Variants in FTSJ1 observed in about 807,000 individuals in gnomAD.
FTSJ1 encodes FtsJ RNA 2'-O-methyltransferase 1.
A neutral mutation model predicts 28.5 loss-of-function variants in FTSJ1; 3 were observed. The ratio of observed to expected loss-of-function variants is 0.11; its 90% CI spans 0.05 to 0.27. The LOEUF is 0.27. Among genes scored for constraint, FTSJ1 ranks in the 10% least tolerant of loss-of-function variants. FTSJ1 has a pLI of 1.00. For missense variants in FTSJ1, 162 were observed against 279.0 expected (o/e 0.58, Z 2.99); for synonymous variants, 104 against 113.9 (o/e 0.91, Z 0.55).
rs782483840 is a variant in FTSJ1, at chrX:48,481,575, C to T, written c.571+47C>T. 4.0e-5 allele frequency: 46 copies of T among 1,149,293 alleles called. No individual in the cohort carries two copies. The East Asian group carries it at 9.8e-4, about 25-fold the overall frequency. The allele number at this position is 1,149,293 out of a possible 1,213,427, so 94.7% of individuals were successfully genotyped here. ...GGCAGGCAGAGGGGGATCTCTGGGACGCCGACTGCACGAGGAGGAAGCGGC... is the reference window on the plus strand; with the variant it reads ...GGCAGGCAGAGGGGGATCTCTGGGATGCCGACTGCACGAGGAGGAAGCGGC... On this transcript the variant is annotated intron_variant, in intron 8 of 12. Transcript: ENST00000348411.
intron 5 of FTSJ1, 47 bp from the exon 6 acceptor site, chrX:48,481,104 G>A (rs782592649): frequency 1.0e-5 from 11 of 1,077,122 alleles, no homozygotes; most frequent in Non-Finnish European, 1.4e-5. Flanking sequence ...ACAAGAAGAT[G>A]CACAGAGCCA....
At chrX:48,485,434 A>G (rs2061596479) in intron 12 of FTSJ1, among the ~76,000 whole-genome samples, 1 of 112,609 alleles carries the variant, frequency 8.9e-6, no homozygotes, top group African/African-American at 3.2e-5. Flanking sequence ...AACACCTTGT[A>G]GTTATTCATT....
chrX:48,478,375 G>T, intron 2 of FTSJ1, 74 bp from the exon 3 acceptor site: 1 of 1,047,844 alleles, frequency 9.5e-7, no homozygotes, highest in East Asian at 3.1e-5. Flanking sequence ...GGGGAGAGGG[G>T]TGAATTTTGC....
chrX:48,482,885 C>G (rs1195486633), intron 11 of FTSJ1, 91 bp downstream of exon 11: 8 of 1,209,450 alleles, frequency 6.6e-6, no homozygotes, highest in Non-Finnish European at 8.9e-6. Context: ...CCAAAATTCC[C>G]TTTCCTGCCT....
chrX:48,484,073 CT>C (rs1184968231), intron 12 of FTSJ1, among the ~76,000 whole-genome samples: 21 of 104,879 alleles, frequency 2.0e-4, no homozygotes, highest in East Asian at 5.9e-4. Flanking sequence ...AAAAAGCCAC[CT>C]TTTTTTTTTT....
At chrX:48,481,072 T>C in intron 5 of FTSJ1, 79 bp from the exon 6 acceptor site, 2 of 878,705 alleles carry the variant, frequency 2.3e-6, no homozygotes, top group Non-Finnish European at 3.4e-6. Flanking sequence ...GGAAAATGTA[T>C]TTAGTGTCTG....
intron 11 of FTSJ1, 70 bp downstream of exon 11, chrX:48,482,864 G>A: frequency 8.3e-7 from 1 of 1,207,269 alleles, no homozygotes; most frequent in Admixed American, 2.2e-5. Flanking sequence ...CAAATCTCAT[G>A]GTTTCTGGGG....
intron 12 of FTSJ1, among the ~76,000 whole-genome samples, chrX:48,484,901 C>A (rs2061592424): frequency 8.9e-6 from 1 of 111,786 alleles, no homozygotes; most frequent in African/African-American, 3.3e-5. Context: ...AATTGAAAGC[C>A]TCGTACATGC....
Position 48,478,430 on chromosome X carries a change from T to C in FTSJ1, c.122-19T>C. Reference sequence around the variant, plus strand: ...AAGTGGGTGCAGCTGATCAGGATGCTTTCACTATGTATGCCCAGGCGTGAC... The same window carrying C: ...AAGTGGGTGCAGCTGATCAGGATGCCTTCACTATGTATGCCCAGGCGTGAC... On this transcript the variant is annotated intron_variant, in intron 2 of 12. Coordinates refer to ENST00000348411, the MANE Select transcript of FTSJ1 (RefSeq NM_012280.4). 8.3e-7 allele frequency: 1 copy of C among 1,203,729 alleles called. No individual in the cohort carries two copies. The highest frequency in any genetic ancestry group is 1.1e-6 in the Non-Finnish European group (1 of 889,465).
Position 48,476,357 on chromosome X carries a change from G to C in FTSJ1, c.-127G>C, listed in dbSNP as rs1383526698. On this transcript the variant is annotated 5_prime_UTR_variant, in exon 1 of 13. Transcript: ENST00000348411. ...GTCGCCCGTTTGCGCTCTCGCCGAGGCACAGGCTGCTCGCGGACCACCCTG... is the reference window on the plus strand; with the variant it reads ...GTCGCCCGTTTGCGCTCTCGCCGAGCCACAGGCTGCTCGCGGACCACCCTG... 1.0e-5 allele frequency: 3 copies of C among 297,532 alleles called. No individual in the cohort carries two copies. 24.5% of individuals were successfully genotyped at this position (297,532 alleles called of 1,213,427 possible).
chrX:48,481,419 C>T lies in FTSJ1; in HGVS notation c.469-7C>T, dbSNP rs781961176. 1.6e-5 allele frequency: 19 copies of T among 1,207,868 alleles called. No homozygotes were observed. In the East Asian group the frequency reaches 5.3e-4, roughly 34 times the overall value. On this transcript the variant is annotated splice_region_variant and splice_polypyrimidine_tract_variant and intron_variant, in intron 7 of 12. Transcript: ENST00000348411. ...TCACCCGCTGTCTTTGCCTTCTCAC[C>T]CTGCAGATATTCCGAGGCCGGGATG...
Position 48,481,132 on chromosome X carries a change from G to A in FTSJ1, c.362-19G>A, listed in dbSNP as rs782285383. On this transcript the variant is annotated intron_variant, in intron 5 of 12. Transcript: ENST00000348411. ...CAGAGCCAGATGGGACCCCCCTAAC[G>A]CTGTTCCTCTTGCCACAGTAACCGG... 5.0e-6 allele frequency: 6 copies of A among 1,197,037 alleles called. No individual in the cohort carries two copies. Among genetic ancestry groups the A allele is most frequent in the Middle Eastern group, 2.3e-4 (1 of 4,335 alleles).
rs782085694 is a variant in FTSJ1 at position 48,479,089 on chromosome X, C to G, written c.334C>G (p.Leu112Val). The change falls in exon 5 of 13, where the codon CTA becomes GTA. Residue 112 changes from leucine (L) to valine (V), a missense_variant. By Grantham distance (32) the Leu-to-Val change is conservative. Coordinates refer to ENST00000348411, the MANE Select transcript of FTSJ1 (RefSeq NM_012280.4). Reference sequence around the variant, plus strand: ...GCACTTTAAGGGCTGCCCTGCGGACCTAGTGGTGTGTGACGGGGCTCCTGA... The same window carrying G: ...GCACTTTAAGGGCTGCCCTGCGGACGTAGTGGTGTGTGACGGGGCTCCTGA... ...IQHFKGCPAD[L>V]VVCDGAPDVT... 3.3e-5 allele frequency: 40 copies of G among 1,206,705 alleles called. No individual in the cohort carries two copies. In the South Asian group the frequency reaches 7.0e-4, roughly 21 times the overall value.
chrX:48,478,835 T>G, intron 4 of FTSJ1, 128 bp downstream of exon 4: 1 of 555,973 alleles, frequency 1.8e-6, no homozygotes, highest in Non-Finnish European at 3.1e-6. Context: ...AGAGTAACCA[T>G]GGAGAAACAG....
intron 12 of FTSJ1, chrX:48,483,367 T>C (rs5905692): frequency 0.35 from 85,138 of 240,432 alleles, 13,224 homozygotes; most frequent in African/African-American, 0.77. Flanking sequence ...TACATACACA[T>C]ATATACTATA....
chrX:48,481,092 G>T, intron 5 of FTSJ1, 59 bp from the exon 6 acceptor site: 1 of 986,313 alleles, frequency 1.0e-6, no homozygotes, highest in Non-Finnish European at 1.4e-6. Flanking sequence ...GATCTGTGTG[G>T]TACAAGAAGA....
At chrX:48,479,932 T>G (rs2061557795) in intron 5 of FTSJ1, among the ~76,000 whole-genome samples, 1 of 109,839 alleles carries the variant, frequency 9.1e-6, no homozygotes, top group South Asian at 3.9e-4. Flanking sequence ...TCACCTGAGG[T>G]CAGGAGTTCG....
At chrX:48,481,576 G>T (rs370068310) in intron 8 of FTSJ1, 48 bp downstream of exon 8, 181 of 1,149,443 alleles carry the variant, frequency 1.6e-4, no homozygotes, top group Non-Finnish European at 2.1e-4. Context: ...TCTCTGGGAC[G>T]CCGACTGCAC....
rs782705967 is a variant in FTSJ1, at chrX:48,481,666, C to T, written c.606C>T (p.Pro202=). The part of the protein sequence containing the change: ...AFAVCQGYDP[P]EGFIPDLSKP... ...CTGTCTGTCAGGGCTATGACCCTCC[C>T]GAGGGCTTCATCCCGGACCTGAGCA... is the stretch of plus-strand genomic sequence containing the variant. The change falls in exon 9 of 13, where the codon CCC becomes CCT. Residue 202 remains proline, a synonymous_variant. Coordinates refer to ENST00000348411, the MANE Select transcript of FTSJ1 (RefSeq NM_012280.4). 4.2e-6 allele frequency: 5 copies of T among 1,201,273 alleles called. No homozygotes were observed. The highest frequency in any genetic ancestry group is 4.5e-6 in the Non-Finnish European group (4 of 885,667).
Sources: gnomAD v4.1 joint callset for allele counts (sites outside exome capture counted in the v4.1 genomes callset) on GRCh38, gnomAD v4.1.1 for gene constraint, MANE v1.5 for transcripts, NCBI Gene and HGNC (gene_info 2026-07-23, HGNC 2026-07-21) for gene names.